PCDH15: variants seen among roughly 807,000 people sequenced by gnomAD.
PCDH15 encodes protocadherin-15.
Under a neutral mutation model 178.5 loss-of-function variants are expected in PCDH15, and 129 were observed. The observed-to-expected ratio is 0.72, with a 90% CI of 0.63 to 0.84. The LOEUF is 0.84. Ranked by LOEUF, PCDH15 falls within the 40% of genes least tolerant of loss-of-function variation. PCDH15 has a pLI of 0.00. For missense variants in PCDH15, 2,230 were observed against 2,099.9 expected (o/e 1.06, Z -1.21); for synonymous variants, 800 against 732.0 (o/e 1.09, Z -1.50).
chr10:53,878,218 ATAT>A (rs2080388952), intron 26 of PCDH15, among the ~76,000 whole-genome samples: 1 of 12,944 alleles, frequency 7.7e-5, no homozygotes, highest in Non-Finnish European at 1.8e-4. Flanking sequence ...CACTTTGAAT[ATAT>A]ATATATATAT....
In PCDH15 at chr10:54,250,361, C is replaced by T. The variant is rs949277906; in HGVS notation, c.877-13430G>A. 4.8e-5 allele frequency among the ~76,000 whole-genome samples: 7 copies of T among 146,970 alleles called. No individual in the cohort carries two copies. In the Admixed American group the frequency reaches 4.9e-4, roughly 10 times the overall value. ...GCAGTGGCGCAATCTCGGCTCACTG[C>T]AAGCTCTGCCTCCCGGGTTCACGCC... On this transcript the variant is annotated intron_variant, in intron 8 of 37. Coordinates refer to ENST00000644397, the MANE Select transcript of PCDH15 (RefSeq NM_001384140.1).
intron 15 of PCDH15, among the ~76,000 whole-genome samples, chr10:54,132,025 T>A (rs2042478794): frequency 6.6e-6 from 1 of 152,112 alleles, no homozygotes; most frequent in African/African-American, 2.4e-5. Context: ...TGTTAAAATC[T>A]CCCCTAGGCT....
chr10:54,984,736 G>A (rs560133472), intron 2 of PCDH15, among the ~76,000 whole-genome samples: 27 of 152,202 alleles, frequency 1.8e-4, no homozygotes, highest in African/African-American at 6.3e-4. Flanking sequence ...TACTCAAGAG[G>A]CCGAGGCAGA....
At chr10:55,088,111 T>A (rs780741616) in intron 2 of PCDH15, among the ~76,000 whole-genome samples, 1 of 152,134 alleles carries the variant, frequency 6.6e-6, no homozygotes, top group African/African-American at 2.4e-5. Flanking sequence ...ACACATAAAC[T>A]ACTCTTGTGT....
intron 1 of PCDH15, among the ~76,000 whole-genome samples, chr10:55,254,953 CT>C (rs67124955): frequency 0.84 from 127,117 of 150,610 alleles, 54,183 homozygotes; most frequent in East Asian, 0.95. Flanking sequence ...TAAGTCTTTT[CT>C]TTTTTTTTTT....
At chr10:54,824,485 T>C (rs967626612) in intron 3 of PCDH15, among the ~76,000 whole-genome samples, 3 of 152,120 alleles carry the variant, frequency 2.0e-5, no homozygotes, top group African/African-American at 7.2e-5. Flanking sequence ...GATGCATGAG[T>C]AGGCAGGAGG....
At chr10:54,363,699 T>G (rs1452436582) in intron 5 of PCDH15, among the ~76,000 whole-genome samples, 2 of 152,134 alleles carry the variant, frequency 1.3e-5, no homozygotes, top group Non-Finnish European at 2.9e-5. Flanking sequence ...CTAATGTAAT[T>G]GTGCCAATTT....
intron 25 of PCDH15, among the ~76,000 whole-genome samples, chr10:53,930,644 C>T (rs2084978145): frequency 6.6e-6 from 1 of 151,994 alleles, no homozygotes; most frequent in Admixed American, 6.5e-5. Flanking sequence ...CAAAGGAGGA[C>T]CTTCAGGCCT....
chr10:55,591,278 C>CA (rs1190334862), intron 2 of PCDH15, among the ~76,000 whole-genome samples: 8 of 151,880 alleles, frequency 5.3e-5, no homozygotes, highest in Admixed American at 3.9e-4. Context: ...ACCAAAACTA[C>CA]AAAAAAATTA....
chr10:55,286,833 TAA>T (rs1842883168), intron 1 of PCDH15, among the ~76,000 whole-genome samples: 1 of 152,008 alleles, frequency 6.6e-6, no homozygotes. Context: ...TGCACTTTCT[TAA>T]GTTTTATTAT....
chr10:54,121,844 C>T (rs943548241), intron 15 of PCDH15, among the ~76,000 whole-genome samples: 3 of 151,892 alleles, frequency 2.0e-5, no homozygotes, highest in African/African-American at 7.3e-5. Context: ...TAATAATAAG[C>T]CCCAGTCCAG....
At chr10:54,007,435 G>T (rs1374762241) in intron 20 of PCDH15, among the ~76,000 whole-genome samples, 2 of 151,516 alleles carry the variant, frequency 1.3e-5, no homozygotes, top group South Asian at 4.2e-4. Flanking sequence ...TAAATATTTA[G>T]TATATCTAGA....
chr10:54,848,903 A>C (rs1438980761), intron 3 of PCDH15, among the ~76,000 whole-genome samples: 2 of 152,216 alleles, frequency 1.3e-5, no homozygotes, highest in Non-Finnish European at 2.9e-5. Flanking sequence ...GATTTAGCCA[A>C]GTGAAGACTA....
At chr10:54,510,412 C>T (rs1418731841) in intron 3 of PCDH15, among the ~76,000 whole-genome samples, 1 of 152,160 alleles carries the variant, frequency 6.6e-6, no homozygotes, top group Non-Finnish European at 1.5e-5. Context: ...GATTAATTCT[C>T]TCTACTTGGG....
At chr10:55,236,672 A>G (rs1841393158) in intron 1 of PCDH15, among the ~76,000 whole-genome samples, 1 of 152,064 alleles carries the variant, frequency 6.6e-6, no homozygotes, top group Admixed American at 6.5e-5. Flanking sequence ...AATACTGAAC[A>G]TTCAAAAGTT....
intron 18 of PCDH15, among the ~76,000 whole-genome samples, chr10:54,058,921 C>T (rs770448667): frequency 1.3e-5 from 2 of 151,958 alleles, no homozygotes; most frequent in Non-Finnish European, 2.9e-5. Context: ...CTCAAACTCC[C>T]GACCTCAGAT....
chr10:53,828,492 T>C, intron 31 of PCDH15, 73 bp downstream of exon 31: 1 of 1,288,540 alleles, frequency 7.8e-7, no homozygotes, highest in Non-Finnish European at 1.1e-6. Flanking sequence ...GCAGGCTGAC[T>C]TGATTGATAT....
intron 5 of PCDH15, among the ~76,000 whole-genome samples, chr10:54,360,581 A>G (rs571935877): frequency 6.6e-6 from 1 of 152,018 alleles, no homozygotes; most frequent in Admixed American, 6.6e-5. Flanking sequence ...GTTTTTTCAT[A>G]AATTTGTGGG....
At chr10:53,912,928 C>T (rs4427480) in intron 25 of PCDH15, among the ~76,000 whole-genome samples, 115,364 of 152,042 alleles carry the variant, frequency 0.76, 44,395 homozygotes, top group East Asian at 1. Context: ...CTTCACAGAA[C>T]TGGGAAAAAC....
Sources: gnomAD v4.1 joint callset for allele counts (sites outside exome capture counted in the v4.1 genomes callset) on GRCh38, gnomAD v4.1.1 for gene constraint, MANE v1.5 for transcripts, NCBI Gene and HGNC (gene_info 2026-07-23, HGNC 2026-07-21) for gene names.